PPM1L: variants seen among roughly 807,000 people sequenced by gnomAD.
PPM1L encodes the protein protein phosphatase 1L.
PPM1L carries 13 observed loss-of-function variants against 31.4 expected under a neutral mutation model. The ratio of observed to expected loss-of-function variants is 0.41; its 90% CI spans 0.27 to 0.66. The LOEUF (loss-of-function observed/expected upper bound fraction) is 0.66. PPM1L is among the 30% of genes least tolerant of loss of function. PPM1L has a pLI of 0.29. For synonymous variants in PPM1L, 184 were observed against 175.4 expected, an observed-to-expected ratio of 1.05 and a Z score of -0.39; for missense variants, 326 against 453.7, an observed-to-expected ratio of 0.72 and a Z score of 2.56.
chr3:160,829,201 C>G (rs1375357775), intron 1 of PPM1L, among the ~76,000 whole-genome samples: 6 of 151,520 alleles, frequency 4.0e-5, no homozygotes, highest in Admixed American at 1.3e-4. Flanking sequence ...ATGCCCTCCT[C>G]CTTGTTTTTG....
chr3:161,068,275 A>G (rs527895353), intron 3 of PPM1L, among the ~76,000 whole-genome samples: 123 of 152,344 alleles, frequency 8.1e-4, no homozygotes, highest in Non-Finnish European at 1.4e-3. Flanking sequence ...TAGAAGAGAC[A>G]GAGCCAGGAA....
At position 160,997,445 on chromosome 3, in the gene PPM1L, G is replaced by A. The variant is rs1331770062; in HGVS notation, c.574+35535G>A. On this transcript the variant is annotated intron_variant, in intron 2 of 3. Coordinates refer to ENST00000498165, the MANE Select transcript of PPM1L (RefSeq NM_139245.4). ...AGTTTTTGACCTTTAGTAAAAGGGA[G>A]AAGGATAACATTGTTGGCAGAAATG... Among the ~76,000 whole-genome samples the A allele has an allele frequency of 2.0e-5, 3 of 152,328 alleles. No individual in the cohort carries two copies. In the East Asian group the frequency reaches 5.8e-4, roughly 29 times the overall value.
intron 1 of PPM1L, among the ~76,000 whole-genome samples, chr3:160,934,524 T>C (rs1231857229): frequency 6.6e-6 from 1 of 152,220 alleles, no homozygotes; most frequent in Admixed American, 6.5e-5. Flanking sequence ...TCTCATGTAA[T>C]TCCTTCACTC....
chr3:160,944,833 T>TATATGTTATATATATAAC (rs1559897054), intron 1 of PPM1L, among the ~76,000 whole-genome samples: 1 of 13,292 alleles, frequency 7.5e-5, no homozygotes, highest in African/African-American at 1.7e-4. Flanking sequence ...ATATATAACA[T>TATATGTTATATATATAAC]ATATATGTTA....
At chr3:160,988,901 G>A (rs563077717) in intron 2 of PPM1L, among the ~76,000 whole-genome samples, 5 of 152,274 alleles carry the variant, frequency 3.3e-5, no homozygotes, top group African/African-American at 1.2e-4. Context: ...TGGTTCTCAT[G>A]AGCAATAGAT....
chr3:160,771,088 A>G (rs1715242793), intron 1 of PPM1L, among the ~76,000 whole-genome samples: 1 of 152,192 alleles, frequency 6.6e-6, no homozygotes, highest in Non-Finnish European at 1.5e-5. Flanking sequence ...TATTCCAAAG[A>G]ATAAAGTATA....
At chr3:160,770,957 G>A (rs542587695) in intron 1 of PPM1L, among the ~76,000 whole-genome samples, 2 of 152,268 alleles carry the variant, frequency 1.3e-5, no homozygotes, top group East Asian at 3.9e-4. Flanking sequence ...GTCATGTCTA[G>A]TCAAAATCTC....
At chr3:160,817,226 A>T (rs1713024686) in intron 1 of PPM1L, among the ~76,000 whole-genome samples, 1 of 152,076 alleles carries the variant, frequency 6.6e-6, no homozygotes, top group Non-Finnish European at 1.5e-5. Context: ...GGAGTGGAAT[A>T]TAAGATTATA....
At chr3:160,970,697 A>C (rs1341096565) in intron 2 of PPM1L, among the ~76,000 whole-genome samples, 1 of 150,676 alleles carries the variant, frequency 6.6e-6, no homozygotes, top group Non-Finnish European at 1.5e-5. Context: ...ACCTCAAGTG[A>C]TTCACCCACC....
chr3:161,011,094 G>A (rs1717879485), intron 2 of PPM1L, among the ~76,000 whole-genome samples: 1 of 152,122 alleles, frequency 6.6e-6, no homozygotes, highest in African/African-American at 2.4e-5. Flanking sequence ...CCTTGCCCAT[G>A]CCTATGTCCT....
intron 2 of PPM1L, among the ~76,000 whole-genome samples, chr3:160,970,060 T>A (rs1327310746): frequency 1.3e-5 from 2 of 152,226 alleles, no homozygotes; most frequent in East Asian, 3.8e-4. Flanking sequence ...TATGCTGTTA[T>A]AAACTACCTA....
At position 161,069,740 on chromosome 3, in the gene PPM1L, G is replaced by A. The variant is rs903073072; in HGVS notation, c.*583G>A. 13 of 153,440 alleles carry A rather than the reference G, an allele frequency of 8.5e-5. No individual in the cohort carries two copies. The highest frequency in any genetic ancestry group is 2.9e-4 in the African/African-American group (12 of 41,466). The allele number at this position is 153,440 out of a possible 1,614,324, so 9.5% of individuals were successfully genotyped here. A position where few individuals can be genotyped will look rare whatever the true frequency, so the allele number is the denominator to read the frequency against. ...TATTTTGGCTGCTCTTGGGGACTGC[G>A]AGAAGCAGAGAGAATGAGAGACCAG... On this transcript the variant is annotated 3_prime_UTR_variant, in exon 4 of 4. Transcript: ENST00000498165.
intron 2 of PPM1L, among the ~76,000 whole-genome samples, chr3:160,999,620 C>T (rs981030586): frequency 3.9e-5 from 6 of 152,244 alleles, no homozygotes; most frequent in African/African-American, 7.2e-5. Flanking sequence ...AATGCAACCA[C>T]TTTAATGCTC....
chr3:160,865,818 G>A (rs950939926), intron 1 of PPM1L, among the ~76,000 whole-genome samples: 4 of 152,150 alleles, frequency 2.6e-5, no homozygotes, highest in African/African-American at 9.7e-5. Flanking sequence ...TCTTTTAGCA[G>A]AATTTTCAGA....
rs191515622 is a variant in PPM1L at position 160,777,628 on chromosome 3, A to T, written c.399+20921A>T. Among the ~76,000 whole-genome samples, 35 of 152,154 alleles carry T rather than the reference A, an allele frequency of 2.3e-4. 1 individual carries two copies. The highest frequency in any genetic ancestry group is 8.2e-4 in the African/African-American group (34 of 41,522). ...TCATTCAGTATGTGTCTTTTTTGTG[A>T]CTGGATTATTTCACTTGGTATAATG... On this transcript the variant is annotated intron_variant, in intron 1 of 3. Coordinates refer to ENST00000498165, the MANE Select transcript of PPM1L (RefSeq NM_139245.4).
chr3:161,076,081 G>C lies in PPM1L; in HGVS notation c.*6924G>C, dbSNP rs1205671017. The C allele has an allele frequency of 6.6e-6, 1 of 152,198 alleles. No homozygotes were observed. Among genetic ancestry groups the C allele is most frequent in the Non-Finnish European group, 1.5e-5 (1 of 68,046 alleles). The allele number at this position is 152,198 out of a possible 1,614,324, so 9.4% of individuals were successfully genotyped here. A position where few individuals can be genotyped will look rare whatever the true frequency, so the allele number is the denominator to read the frequency against. ...GACAATTTCACAAAAACCAACCACAGAGTGATTTGATATTCTTGCTTCTTA... is the reference window on the plus strand; with the variant it reads ...GACAATTTCACAAAAACCAACCACACAGTGATTTGATATTCTTGCTTCTTA... On this transcript the variant is annotated 3_prime_UTR_variant, in exon 4 of 4. Coordinates refer to ENST00000498165, the MANE Select transcript of PPM1L (RefSeq NM_139245.4).
chr3:160,761,791 T>C (rs1193122865), intron 1 of PPM1L, among the ~76,000 whole-genome samples: 6 of 152,214 alleles, frequency 3.9e-5, no homozygotes, highest in African/African-American at 7.2e-5. Flanking sequence ...CAGTCATGGC[T>C]GAAGGTGAAA....
chr3:160,838,928 A>G (rs1713791301), intron 1 of PPM1L, among the ~76,000 whole-genome samples: 1 of 152,168 alleles, frequency 6.6e-6, no homozygotes, highest in African/African-American at 2.4e-5. Flanking sequence ...TGTTGATGGC[A>G]TTTGGAAGTG....
intron 1 of PPM1L, among the ~76,000 whole-genome samples, chr3:160,886,722 G>T (rs997889217): frequency 6.6e-6 from 1 of 152,058 alleles, no homozygotes; most frequent in Non-Finnish European, 1.5e-5. Flanking sequence ...TAGCTTCAAA[G>T]ATGGAAACTA....
Sources: gnomAD v4.1 joint callset for allele counts (sites outside exome capture counted in the v4.1 genomes callset) on GRCh38, gnomAD v4.1.1 for gene constraint, MANE v1.5 for transcripts, NCBI Gene and HGNC (gene_info 2026-07-23, HGNC 2026-07-21) for gene names.